The following ALDH1L2 variants were observed in gnomAD, a reference collection of about 807,000 sequenced individuals.
The protein encoded by ALDH1L2 is aldehyde dehydrogenase 1 family member L2.
A neutral mutation model predicts 111.0 loss-of-function variants in ALDH1L2; 91 were observed. The observed-to-expected ratio is 0.82, with a 90% CI of 0.69 to 0.98. ALDH1L2 has a LOEUF of 0.98. Among genes scored for constraint, ALDH1L2 ranks in the 50% least tolerant of loss-of-function variants. ALDH1L2 has a pLI of 0.00. For missense variants in ALDH1L2, 995 were observed against 1,126.8 expected (o/e 0.88, Z 1.67); for synonymous variants, 374 against 392.6 (o/e 0.95, Z 0.56).
At chr12:105,049,482 G>C (rs1386682369) in intron 13 of ALDH1L2, 1 of 152,572 alleles carries the variant, frequency 6.6e-6, no homozygotes, top group South Asian at 2.1e-4. Context: ...ACGGTGTTGG[G>C]GGGTAGGGCC....
intron 1 of ALDH1L2, among the ~76,000 whole-genome samples, chr12:105,082,114 A>T (rs1231462509): frequency 3.3e-5 from 5 of 152,202 alleles, no homozygotes; most frequent in African/African-American, 1.2e-4. Context: ...GAATTGCTTG[A>T]ACCCCGGAGG....
At chr12:105,028,069 A>G (rs1874507386) in intron 21 of ALDH1L2, among the ~76,000 whole-genome samples, 2 of 152,106 alleles carry the variant, frequency 1.3e-5, no homozygotes, top group Non-Finnish European at 1.5e-5. Context: ...AAAAACGCAC[A>G]CATTTTCTAC....
chr12:105,026,625 AC>A lies in ALDH1L2; in HGVS notation c.2635del (p.Val879PhefsTer27). 2 of 1,614,160 alleles carry A rather than the reference AC, an allele frequency of 1.2e-6. No homozygotes were observed. Among genetic ancestry groups the A allele is most frequent in the Non-Finnish European group, 1.7e-6 (2 of 1,180,012 alleles). ...YVSEKLEAGTVFINTYNKTDV... is the reference protein window; with the variant it reads ...YVSEKLEAGTXFINTYNKTDV... ...TGTCTTGTTGTATGTGTTAATAAAA[AC>A]AGTTCCTGCTTCCAGTTTTTCACTC... On this transcript the variant is annotated frameshift_variant, in exon 22 of 23. Transcript: ENST00000258494. LOFTEE classifies it high-confidence loss of function.
At chr12:105,076,020 A>G (rs912026069) in intron 1 of ALDH1L2, among the ~76,000 whole-genome samples, 1 of 152,194 alleles carries the variant, frequency 6.6e-6, no homozygotes, top group Non-Finnish European at 1.5e-5. Flanking sequence ...TCCTGACCTC[A>G]GGTGATCTAC....
intron 4 of ALDH1L2, among the ~76,000 whole-genome samples, chr12:105,067,981 G>A (rs772760633): frequency 2.4e-4 from 36 of 152,160 alleles, no homozygotes; most frequent in Non-Finnish European, 4.4e-5. Context: ...CAAAGCTACA[G>A]AGGCTAAGCG....
intron 12 of ALDH1L2, among the ~76,000 whole-genome samples, chr12:105,051,402 T>C (rs938576126): frequency 1.3e-5 from 2 of 152,134 alleles, no homozygotes; most frequent in Non-Finnish European, 1.5e-5. Context: ...GCCATGTCCC[T>C]CCACTGCAGT....
chr12:105,033,400 C>G (rs1188306769), intron 19 of ALDH1L2, among the ~76,000 whole-genome samples: 1 of 152,132 alleles, frequency 6.6e-6, no homozygotes, highest in East Asian at 1.9e-4. Flanking sequence ...TTCAGTGAGA[C>G]ACAAAATTAA....
chr12:105,049,330 T>A (rs1876109516), intron 13 of ALDH1L2, among the ~76,000 whole-genome samples: 1 of 152,216 alleles, frequency 6.6e-6, no homozygotes. Flanking sequence ...AGGAAAGGCA[T>A]CCATGTCCTC....
At chr12:105,081,353 C>T (rs955872947) in intron 1 of ALDH1L2, among the ~76,000 whole-genome samples, 1 of 152,162 alleles carries the variant, frequency 6.6e-6, no homozygotes, top group African/African-American at 2.4e-5. Context: ...GACACCAGAG[C>T]AGAGGTCGGG....
intron 15 of ALDH1L2, among the ~76,000 whole-genome samples, chr12:105,045,644 C>T (rs1175709377): frequency 7.2e-5 from 11 of 152,102 alleles, no homozygotes; most frequent in Admixed American, 7.2e-4. Context: ...TCACTATCTA[C>T]CTCTTTGTAT....
intron 21 of ALDH1L2, among the ~76,000 whole-genome samples, chr12:105,029,522 T>C (rs373001639): frequency 2.6e-5 from 4 of 152,212 alleles, no homozygotes; most frequent in African/African-American, 9.7e-5. Context: ...CAAACCTGAC[T>C]TCTAATGTCT....
At chr12:105,028,600 G>T (rs1235741986) in intron 21 of ALDH1L2, among the ~76,000 whole-genome samples, 10 of 152,188 alleles carry the variant, frequency 6.6e-5, no homozygotes, top group African/African-American at 2.4e-4. Flanking sequence ...ATCTAACCTG[G>T]AGTGAACTTG....
Position 105,024,408 on chromosome 12 carries a change from T to G in ALDH1L2, c.*16A>C. On this transcript the variant is annotated 3_prime_UTR_variant, in exon 23 of 23. Transcript: ENST00000258494. ...AAAGGGCTGTCTGTCAAGGCTTTCC[T>G]GATGATGGTGTTGCTCTAATATTCC... is the stretch of plus-strand genomic sequence containing the variant. 6.2e-7 allele frequency: 1 copy of G among 1,613,682 alleles called. No homozygotes were observed. Among genetic ancestry groups the G allele is most frequent in the Non-Finnish European group, 8.5e-7 (1 of 1,179,688 alleles).
rs1052783360 is a variant in ALDH1L2, at chr12:105,061,187, T to C, written c.1048-115A>G. 38 of 867,046 alleles carry C rather than the reference T, an allele frequency of 4.4e-5. No homozygotes were observed. In the African/African-American group the frequency reaches 5.6e-4, roughly 13 times the overall value. The allele number at this position is 867,046 out of a possible 1,614,324, so 53.7% of individuals were successfully genotyped here. A position where few individuals can be genotyped will look rare whatever the true frequency, so the allele number is the denominator to read the frequency against. On this transcript the variant is annotated intron_variant, in intron 8 of 22. Transcript: ENST00000258494. ...TTCATCTTGTACACTCAGCTGTACA[T>C]ACAGCTGGATCACATTTCTCAGCGC...
chr12:105,036,283 T>C lies in ALDH1L2; in HGVS notation c.2145+1820A>G, dbSNP rs1446701645. Among the ~76,000 whole-genome samples, 195 of 65,756 alleles carry C rather than the reference T, an allele frequency of 3.0e-3. 19 individuals carry two copies. The highest frequency in any genetic ancestry group is 4.0e-3 in the Admixed American group (19 of 4,700). 43.1% of individuals were successfully genotyped at this position (65,756 alleles called of 152,430 possible). On this transcript the variant is annotated intron_variant, in intron 18 of 22. Coordinates refer to ENST00000258494, the MANE Select transcript of ALDH1L2 (RefSeq NM_001034173.4). ...TAATATATACACGTATATTTATATA[T>C]GTGTATATATTATATATATACGTAT... is the stretch of plus-strand genomic sequence containing the variant.
chr12:105,068,962 A>G, intron 3 of ALDH1L2, 78 bp from the exon 4 acceptor site: 1 of 1,232,622 alleles, frequency 8.1e-7, no homozygotes, highest in South Asian at 2.5e-5. Context: ...TTAAAGTATA[A>G]GATAGTTATA....
chr12:105,066,671 T>C lies in ALDH1L2; in HGVS notation c.595-2A>G. The C allele has an allele frequency of 6.2e-7, 1 of 1,613,674 alleles. No individual in the cohort carries two copies. The highest frequency in any genetic ancestry group is 8.5e-7 in the Non-Finnish European group (1 of 1,179,582). ...AGCTATGAGTTGGACAGCTTCTACC[T>C]AAGGCCAAAGACATCACCTGTGTTA... On this transcript the variant is annotated splice_acceptor_variant, in intron 4 of 22. Transcript: ENST00000258494. LOFTEE classifies it high-confidence loss of function.
Position 105,061,689 on chromosome 12 carries a change from T to C in ALDH1L2, c.985A>G (p.Thr329Ala). The change falls in exon 8 of 23, where the codon ACG (threonine) becomes GCG (alanine). Residue 329 changes from threonine to alanine, a missense_variant. Transcript: ENST00000258494. ...KMIPASQYFS[T>A]GETSVVELTA... ...AGTTCTACCACTGACGTCTCACCCG[T>C]TGAAAAGTACTGAGAGGCAGGGATC... The C allele has an allele frequency of 3.7e-6, 6 of 1,614,144 alleles. No homozygotes were observed. The highest frequency in any genetic ancestry group is 5.1e-6 in the Non-Finnish European group (6 of 1,180,032).
intron 15 of ALDH1L2, among the ~76,000 whole-genome samples, chr12:105,041,805 A>G (rs902156422): frequency 3.3e-5 from 5 of 152,132 alleles, no homozygotes; most frequent in African/African-American, 4.8e-5. Flanking sequence ...TTGATGTTCA[A>G]TTGTTCTAGA....
Sources: gnomAD v4.1 joint callset for allele counts (sites outside exome capture counted in the v4.1 genomes callset) on GRCh38, gnomAD v4.1.1 for gene constraint, MANE v1.5 for transcripts, NCBI Gene and HGNC (gene_info 2026-07-23, HGNC 2026-07-21) for gene names.